ZMYND11: variants seen among roughly 807,000 people sequenced by gnomAD.
The protein encoded by ZMYND11 is zinc finger MYND-type containing 11, also known as zinc finger MYND domain-containing protein 11.
In ZMYND11, 9 loss-of-function variants were observed where a neutral mutation model predicts 84.9. That is an observed-to-expected ratio of 0.11 (90% CI 0.06 to 0.18). ZMYND11 has a LOEUF of 0.18. ZMYND11 is among the 10% of genes least tolerant of loss of function. The pLI, the probability that ZMYND11 is intolerant of heterozygous loss-of-function variation, is 1.00. For missense variants in ZMYND11, 409 were observed against 761.0 expected (o/e 0.54, Z 5.44); for synonymous variants, 250 against 244.1 (o/e 1.02, Z -0.23).
At chr10:177,992 T>G (rs1231059807) in intron 1 of ZMYND11, among the ~76,000 whole-genome samples, 5 of 152,206 alleles carry the variant, frequency 3.3e-5, no homozygotes, top group African/African-American at 1.2e-4. Flanking sequence ...TTTTTATCTT[T>G]GCTTTAAACT....
intron 3 of ZMYND11, among the ~76,000 whole-genome samples, chr10:219,460 G>T (rs1046285680): frequency 6.6e-6 from 1 of 152,124 alleles, no homozygotes; most frequent in Non-Finnish European, 1.5e-5. Context: ...GAAATATTTT[G>T]TCTTAACTTT....
chr10:207,668 C>T (rs941524067), intron 2 of ZMYND11, among the ~76,000 whole-genome samples: 6 of 152,152 alleles, frequency 3.9e-5, no homozygotes, highest in Admixed American at 1.3e-4. Context: ...AATGGAAGAA[C>T]ATTCCATGCT....
chr10:138,967 G>A (rs1437231702), intron 1 of ZMYND11, among the ~76,000 whole-genome samples: 8 of 151,994 alleles, frequency 5.3e-5, no homozygotes, highest in African/African-American at 1.9e-4. Context: ...CTTCAGCCTG[G>A]GATTATAGGC....
At chr10:192,148 A>G (rs896636868) in intron 2 of ZMYND11, among the ~76,000 whole-genome samples, 2 of 152,176 alleles carry the variant, frequency 1.3e-5, no homozygotes, top group Admixed American at 1.3e-4. Context: ...CTCTGCTTTC[A>G]CGGTGCCTGT....
chr10:249,181 A>T (rs1487622768), intron 14 of ZMYND11, 93 bp downstream of exon 14: 5 of 1,570,852 alleles, frequency 3.2e-6, no homozygotes, highest in Admixed American at 1.9e-5. Context: ...CACATGCAGA[A>T]GATGTTTCTG....
chr10:234,131 C>G (rs1278747085), intron 4 of ZMYND11, among the ~76,000 whole-genome samples: 1 of 152,214 alleles, frequency 6.6e-6, no homozygotes, highest in Non-Finnish European at 1.5e-5. Flanking sequence ...CTGATTCTAG[C>G]AGTGCATAAT....
At chr10:167,541 A>C (rs1554764279) in intron 1 of ZMYND11, among the ~76,000 whole-genome samples, 1 of 152,168 alleles carries the variant, frequency 6.6e-6, no homozygotes, top group African/African-American at 2.4e-5. Flanking sequence ...AGGAACCTTG[A>C]TCAATGTGTT....
intron 1 of ZMYND11, among the ~76,000 whole-genome samples, chr10:144,204 TA>T (rs1384464003): frequency 1.3e-5 from 2 of 152,166 alleles, no homozygotes; most frequent in African/African-American, 4.8e-5. Flanking sequence ...GTAGTATTTG[TA>T]CCTCATTTAT....
At chr10:169,184 C>T (rs533010621) in intron 1 of ZMYND11, among the ~76,000 whole-genome samples, 1 of 152,168 alleles carries the variant, frequency 6.6e-6, no homozygotes, top group African/African-American at 2.4e-5. Flanking sequence ...AAATATACAG[C>T]TTCAACCCCC....
At chr10:242,164 G>T in intron 10 of ZMYND11, 25 bp downstream of exon 10, 1 of 1,613,404 alleles carries the variant, frequency 6.2e-7, no homozygotes, top group Non-Finnish European at 8.5e-7. Context: ...CATGTTCAGC[G>T]GTCACAGCTG....
At chr10:194,340 G>A (rs1287142050) in intron 2 of ZMYND11, among the ~76,000 whole-genome samples, 3 of 152,144 alleles carry the variant, frequency 2.0e-5, no homozygotes, top group African/African-American at 7.2e-5. Context: ...ACAGGTGTGA[G>A]CCACCACGCC....
intron 3 of ZMYND11, among the ~76,000 whole-genome samples, chr10:220,730 T>C (rs1947007393): frequency 6.6e-6 from 1 of 150,890 alleles, no homozygotes; most frequent in Non-Finnish European, 1.5e-5. Context: ...AAGATAAGAA[T>C]AGTGAGCATC....
In ZMYND11 at chr10:236,822, CTTT is replaced by C. The variant is rs35064335; in HGVS notation, c.439-9_439-7del. On this transcript the variant is annotated splice_polypyrimidine_tract_variant and intron_variant, in intron 4 of 14. Transcript: ENST00000381604. Reference sequence around the variant, plus strand: ...ATCAGATTTTGTACCTTTTTTTATTCTTTTTTTTTCAATAGAGCATTAAGAAGA... The same window carrying C: ...ATCAGATTTTGTACCTTTTTTTATTCTTTTTTCAATAGAGCATTAAGAAGA... The C allele has an allele frequency of 1.7e-5, 26 of 1,573,016 alleles. 1 individual carries two copies. In the East Asian group the frequency reaches 5.7e-4, roughly 34 times the overall value.
Position 237,689 on chromosome 10 carries a change from TTCTTTTATTTCCACTTCAAGTACA to T in ZMYND11, c.609+14_609+37del. The T allele has an allele frequency of 6.3e-7, 1 of 1,585,938 alleles. No homozygotes were observed. The highest frequency in any genetic ancestry group is 8.6e-7 in the Non-Finnish European group (1 of 1,163,804). On this transcript the variant is annotated intron_variant, in intron 6 of 14. Coordinates refer to ENST00000381604, the MANE Select transcript of ZMYND11 (RefSeq NM_001370100.5). ...CCACCATTCAAGAGGTAAAGTCGGT[TTCTTTTATTTCCACTTCAAGTACA>T]TTTTCTTAACTAACAAGTTAAAGAA...
chr10:179,311 C>A (rs946322663), intron 1 of ZMYND11, among the ~76,000 whole-genome samples: 5 of 152,066 alleles, frequency 3.3e-5, no homozygotes, highest in African/African-American at 1.2e-4. Context: ...GGTGTGGTGG[C>A]AGTTTTCTTC....
intron 1 of ZMYND11, among the ~76,000 whole-genome samples, chr10:163,520 C>G (rs147355368): frequency 3.3e-3 from 498 of 152,150 alleles, no homozygotes; most frequent in Middle Eastern, 6.8e-3. Flanking sequence ...GAATTTGTTA[C>G]TCCTCATATT....
At chr10:144,305 A>T (rs1838191423) in intron 1 of ZMYND11, among the ~76,000 whole-genome samples, 1 of 152,062 alleles carries the variant, frequency 6.6e-6, no homozygotes, top group Non-Finnish European at 1.5e-5. Flanking sequence ...TGCAGCCTTG[A>T]TTTCCTGGGG....
chr10:208,564 T>C (rs1458828899), intron 2 of ZMYND11, among the ~76,000 whole-genome samples: 1 of 152,202 alleles, frequency 6.6e-6, no homozygotes, highest in Admixed American at 6.5e-5. Flanking sequence ...TTAAGGGTGA[T>C]GTTTATATAT....
intron 10 of ZMYND11, among the ~76,000 whole-genome samples, chr10:245,815 G>T (rs1952004800): frequency 6.6e-6 from 1 of 152,168 alleles, no homozygotes; most frequent in Non-Finnish European, 1.5e-5. Flanking sequence ...TGACAAAATT[G>T]TAAGTCCCTC....
Sources: gnomAD v4.1 joint callset for allele counts (sites outside exome capture counted in the v4.1 genomes callset) on GRCh38, gnomAD v4.1.1 for gene constraint, MANE v1.5 for transcripts, NCBI Gene and HGNC (gene_info 2026-07-23, HGNC 2026-07-21) for gene names.